The following CREBBP variants were observed in gnomAD, a reference collection of about 807,000 sequenced individuals.
CREBBP encodes CREB-binding protein.
In CREBBP, 19 loss-of-function variants were observed where a neutral mutation model predicts 265.0. That is an observed-to-expected ratio of 0.07 (90% CI 0.05 to 0.11). The LOEUF is 0.11. Among genes scored for constraint, CREBBP ranks in the 10% least tolerant of loss-of-function variants. The probability of loss-of-function intolerance (pLI) is 1.00; values close to 1 mark genes in which losing one functional copy is unlikely to be tolerated. For synonymous variants in CREBBP, 1,457 were observed against 1,223.7 expected (o/e 1.19, Z -3.98); for missense variants, 2,525 against 3,219.0 (o/e 0.78, Z 5.22).
chr16:3,769,073 C>T, intron 15 of CREBBP, 101 bp downstream of exon 15: 2 of 1,327,708 alleles, frequency 1.5e-6, no homozygotes, highest in Non-Finnish European at 1.1e-6. Flanking sequence ...AATATTTTAA[C>T]TAAAGTCAGG....
rs549483341 is a variant in CREBBP at position 3,770,476 on chromosome 16, G to C, written c.2880+94C>G. The C allele has an allele frequency of 8.5e-6, 12 of 1,406,514 alleles. No individual in the cohort carries two copies. In the African/African-American group the frequency reaches 1.5e-4, roughly 18 times the overall value. 87.1% of individuals were successfully genotyped at this position (1,406,514 alleles called of 1,614,324 possible). A position where few individuals can be genotyped will look rare whatever the true frequency, so the allele number is the denominator to read the frequency against. ...CTCCCAAGGTGCTGAAATTATAGGT[G>C]TGAACCACCGCGCCTGGCCTGACAC... On this transcript the variant is annotated intron_variant, in intron 14 of 30. Transcript: ENST00000262367.
chr16:3,814,203 CAG>C (rs918487459), intron 2 of CREBBP, among the ~76,000 whole-genome samples: 13 of 99,050 alleles, frequency 1.3e-4, no homozygotes, highest in Non-Finnish European at 2.3e-4. Flanking sequence ...GTGTTTGAGA[CAG>C]AGTCTCGTTC....
At chr16:3,818,316 T>G (rs1343889961) in intron 2 of CREBBP, among the ~76,000 whole-genome samples, 1 of 146,134 alleles carries the variant, frequency 6.8e-6, no homozygotes, top group African/African-American at 2.5e-5. Flanking sequence ...TTTTTTTTTT[T>G]TTTTTTTTGA....
At chr16:3,825,801 T>C (rs1235339998) in intron 2 of CREBBP, among the ~76,000 whole-genome samples, 3 of 152,190 alleles carry the variant, frequency 2.0e-5, no homozygotes, top group Non-Finnish European at 4.4e-5. Flanking sequence ...AAAATGTCAT[T>C]GTGTATCTTC....
intron 2 of CREBBP, among the ~76,000 whole-genome samples, chr16:3,843,955 C>T (rs1026152722): frequency 6.6e-5 from 10 of 150,852 alleles, no homozygotes; most frequent in South Asian, 6.3e-4. Flanking sequence ...GAGACCATCC[C>T]GGCTAAAACG....
chr16:3,825,076 T>C (rs147377576), intron 2 of CREBBP, among the ~76,000 whole-genome samples: 3 of 152,332 alleles, frequency 2.0e-5, no homozygotes, highest in Non-Finnish European at 4.4e-5. Context: ...CAGGATTCTA[T>C]AAAATGAACA....
intron 1 of CREBBP, among the ~76,000 whole-genome samples, chr16:3,852,274 C>G (rs1162782986): frequency 1.4e-5 from 2 of 146,414 alleles, no homozygotes; most frequent in African/African-American, 2.5e-5. Flanking sequence ...GTTCACGCCA[C>G]TGTCCTGCCT....
At chr16:3,777,462 T>C (rs1488328389) in intron 11 of CREBBP, 151 bp downstream of exon 11, 1 of 799,122 alleles carries the variant, frequency 1.3e-6, no homozygotes, top group African/African-American at 1.7e-5. Context: ...ATATCCATAC[T>C]ACCTGTAGAA....
chr16:3,726,722 G>A lies in CREBBP; in HGVS notation c.*996C>T, dbSNP rs1210587198. On this transcript the variant is annotated 3_prime_UTR_variant, in exon 31 of 31. Coordinates refer to ENST00000262367, the MANE Select transcript of CREBBP (RefSeq NM_004380.3). ...ACAATGGGGAAAAAACACATGCATA[G>A]TCCAAATACAATGTTGAAAACAGCA... is the stretch of plus-strand genomic sequence containing the variant. 4.3e-6 allele frequency: 1 copy of A among 233,448 alleles called. No homozygotes were observed. The highest frequency in any genetic ancestry group is 2.2e-5 in the African/African-American group (1 of 45,320). The allele number at this position is 233,448 out of a possible 1,614,324, so 14.5% of individuals were successfully genotyped here. A position where few individuals can be genotyped will look rare whatever the true frequency, so the allele number is the denominator to read the frequency against.
intron 1 of CREBBP, among the ~76,000 whole-genome samples, chr16:3,869,041 G>A (rs1271568956): frequency 6.6e-6 from 1 of 152,104 alleles, no homozygotes; most frequent in Non-Finnish European, 1.5e-5. Context: ...CCCAAAAACT[G>A]TCACAAGAGC....
At chr16:3,863,099 G>A (rs1422228159) in intron 1 of CREBBP, among the ~76,000 whole-genome samples, 2 of 152,158 alleles carry the variant, frequency 1.3e-5, no homozygotes, top group African/African-American at 4.8e-5. Context: ...ATGTGAATCA[G>A]AAGGGAAATA....
intron 13 of CREBBP, among the ~76,000 whole-genome samples, chr16:3,771,850 A>G (rs1336246883): frequency 6.9e-6 from 1 of 144,284 alleles, no homozygotes; most frequent in Non-Finnish European, 1.5e-5. Context: ...TCGCTCTGTC[A>G]CCCAGTCTGG....
Position 3,729,552 on chromosome 16 carries a change from T to C in CREBBP, c.5495A>G (p.His1832Arg), listed in dbSNP as rs1349098263. Residue 1832 changes from histidine to arginine, a missense_variant, in exon 31 of 31, where the codon CAC becomes CGC. Transcript: ENST00000262367. ...LIALCCYHAKHCQENKCPVPF... is the reference protein window; with the variant it reads ...LIALCCYHAKRCQENKCPVPF... ...CACGGGGCATTTGTTTTCTTGGCAG[T>C]GCTTGGCGTGGTAGCAGCAGAGGGC... The C allele has an allele frequency of 6.2e-7, 1 of 1,614,056 alleles. No individual in the cohort carries two copies. The highest frequency in any genetic ancestry group is 8.5e-7 in the Non-Finnish European group (1 of 1,180,014).
At chr16:3,806,515 C>T (rs1022239994) in intron 3 of CREBBP, among the ~76,000 whole-genome samples, 1 of 152,058 alleles carries the variant, frequency 6.6e-6, no homozygotes, top group East Asian at 1.9e-4. Flanking sequence ...CAGGAGACCA[C>T]GTGGGAGAAC....
intron 21 of CREBBP, among the ~76,000 whole-genome samples, chr16:3,748,770 C>T (rs1237413048): frequency 2.0e-5 from 3 of 152,270 alleles, no homozygotes; most frequent in South Asian, 2.1e-4. Context: ...GGCTACCACA[C>T]TGAAAAAAAT....
In CREBBP at chr16:3,777,660, A is replaced by G. The variant is rs965778930; in HGVS notation, c.2114-3T>C. ...CACTGGCAGGGACAGGGGTCCATCT[A>G]TGGTGGCAAAACAAAAACAAAAACA... On this transcript the variant is annotated splice_polypyrimidine_tract_variant and splice_region_variant and intron_variant, in intron 10 of 30. Transcript: ENST00000262367. 3.1e-6 allele frequency: 5 copies of G among 1,613,954 alleles called. No individual in the cohort carries two copies. Among genetic ancestry groups the G allele is most frequent in the Non-Finnish European group, 4.2e-6 (5 of 1,180,024 alleles).
In CREBBP at chr16:3,773,866, A is replaced by G. The variant is rs140340520; in HGVS notation, c.2348T>C (p.Met783Thr). 9.9e-6 allele frequency: 16 copies of G among 1,612,212 alleles called. No homozygotes were observed. The highest frequency in any genetic ancestry group is 1.2e-5 in the Non-Finnish European group (14 of 1,180,026). ...PNMMGAHTNN[M>T]MAQAPAQSQF... is the part of the protein sequence containing the mutation. ...GCTCTGAGCGGGCGCCTGGGCCATC[A>G]TGTTGTTGGTGTGTGCACCCATCAT... is the stretch of plus-strand genomic sequence containing the variant. Residue 783 changes from methionine to threonine, a missense_variant, in exon 13 of 31, where the codon ATG (methionine) becomes ACG (threonine). Physicochemically the swap from Met to Thr is moderately conservative, Grantham distance 81. Coordinates refer to ENST00000262367, the MANE Select transcript of CREBBP (RefSeq NM_004380.3).
chr16:3,761,685 C>G, intron 16 of CREBBP: 2 of 468,164 alleles, frequency 4.3e-6, no homozygotes, highest in South Asian at 3.1e-5. Context: ...GCAGCACTCC[C>G]CACGCACACG....
chr16:3,828,047 A>C (rs1412066691), intron 2 of CREBBP, among the ~76,000 whole-genome samples: 1 of 152,106 alleles, frequency 6.6e-6, no homozygotes. Flanking sequence ...CCTCTTGCAC[A>C]TAGGCCAAGG....
Sources: allele counts gnomAD v4.1 joint callset (sites outside exome capture counted in the v4.1 genomes callset), GRCh38; gene constraint gnomAD v4.1.1; transcripts MANE v1.5; gene names NCBI Gene and HGNC (gene_info 2026-07-23, HGNC 2026-07-21).